Variants in ARID1B observed in about 807,000 individuals in gnomAD.
ARID1B encodes the protein AT-rich interactive domain-containing protein 1B.
A neutral mutation model predicts 212.3 loss-of-function variants in ARID1B; 30 were observed. The observed-to-expected ratio is 0.14, with a 90% confidence interval of 0.11 to 0.19. ARID1B has a LOEUF of 0.19. ARID1B is among the 10% of genes least tolerant of loss of function. The probability of loss-of-function intolerance (pLI) is 1.00; values close to 1 mark genes in which losing one functional copy is unlikely to be tolerated. For missense variants in ARID1B, 2,891 were observed against 3,204.0 expected (o/e 0.90, Z 2.36); for synonymous variants, 1,402 against 1,301.7 (o/e 1.08, Z -1.66).
chr6:157,123,766 C>T (rs1288088457), intron 6 of ARID1B, among the ~76,000 whole-genome samples: 1 of 152,224 alleles, frequency 6.6e-6, no homozygotes, highest in Non-Finnish European at 1.5e-5. Flanking sequence ...TTTATTAAAC[C>T]TCTAGTGTGT....
chr6:157,134,782 G>T (rs1788801817), intron 7 of ARID1B, among the ~76,000 whole-genome samples: 1 of 152,204 alleles, frequency 6.6e-6, no homozygotes, highest in African/African-American at 2.4e-5. Flanking sequence ...AAAACGGTTT[G>T]TAACTTGTGG....
chr6:156,817,080 TAA>T (rs66864321), intron 1 of ARID1B, among the ~76,000 whole-genome samples: 2 of 135,118 alleles, frequency 1.5e-5, no homozygotes. Context: ...GCCCTTTAAT[TAA>T]AAAAAAAAAA....
At chr6:157,055,545 T>G (rs902133591) in intron 4 of ARID1B, among the ~76,000 whole-genome samples, 2 of 152,186 alleles carry the variant, frequency 1.3e-5, no homozygotes, top group Non-Finnish European at 2.9e-5. Flanking sequence ...AAAGCTAACT[T>G]TAACAAAAAG....
intron 13 of ARID1B, among the ~76,000 whole-genome samples, chr6:157,187,736 ATT>A (rs34547253): frequency 7.2e-6 from 1 of 138,466 alleles, no homozygotes; most frequent in African/African-American, 2.6e-5. Context: ...GGTTGCATTC[ATT>A]TTTTTTTTTT....
chr6:156,960,447 ATTTAG>A (rs1215584592), intron 4 of ARID1B, among the ~76,000 whole-genome samples: 4 of 152,154 alleles, frequency 2.6e-5, no homozygotes, highest in Non-Finnish European at 4.4e-5. Context: ...TTCATTTGGT[ATTTAG>A]TTTAATCAGT....
At position 156,945,182 on chromosome 6, in the gene ARID1B, G is replaced by A. The variant is rs555562295; in HGVS notation, c.2247+9606G>A. ...GATCTCCTGACCTTGTGATCCGCCCGCCTCTGCCACCCAAAGTACTGGGAT... is the reference window on the plus strand; with the variant it reads ...GATCTCCTGACCTTGTGATCCGCCCACCTCTGCCACCCAAAGTACTGGGAT... On this transcript the variant is annotated intron_variant, in intron 4 of 19. Coordinates refer to ENST00000636930, the MANE Select transcript of ARID1B (RefSeq NM_001374828.1). Among the ~76,000 whole-genome samples the A allele has an allele frequency of 1.0e-3, 128 of 127,128 alleles. 1 individual carries two copies. Among genetic ancestry groups the A allele is most frequent in the Admixed American group, 1.7e-3 (19 of 11,336 alleles). 83.4% of individuals were successfully genotyped at this position (127,128 alleles called of 152,430 possible).
intron 4 of ARID1B, chr6:157,036,925 T>C (rs1362903235): frequency 2.1e-6 from 1 of 485,120 alleles, no homozygotes; most frequent in Non-Finnish European, 4.1e-6. Context: ...CAGTTCCTCC[T>C]AGGTGGATTT....
intron 5 of ARID1B, among the ~76,000 whole-genome samples, chr6:157,100,003 G>A (rs145367881): frequency 3.5e-4 from 54 of 152,194 alleles, no homozygotes; most frequent in African/African-American, 1.1e-3. Context: ...TTTTGGATAA[G>A]GATTTAGGAA....
At chr6:156,980,025 T>C (rs572542826) in intron 4 of ARID1B, among the ~76,000 whole-genome samples, 2 of 152,294 alleles carry the variant, frequency 1.3e-5, no homozygotes, top group South Asian at 4.1e-4. Flanking sequence ...CATTTAAACA[T>C]TGATTGTAAT....
rs1037698045 is a variant in ARID1B, at chr6:156,777,494, C to T, written c.-187C>T. The T allele has an allele frequency of 6.6e-6, 1 of 151,032 alleles. No individual in the cohort carries two copies. The highest frequency in any genetic ancestry group is 2.4e-5 in the African/African-American group (1 of 41,336). 9.4% of individuals were successfully genotyped at this position (151,032 alleles called of 1,614,324 possible). Reference sequence around the variant, plus strand: ...ACTAAAAACTTTCACCATGAAAGCACACAGCAGGAGCAGGCCCAGAGCGTA... The same window carrying T: ...ACTAAAAACTTTCACCATGAAAGCATACAGCAGGAGCAGGCCCAGAGCGTA... On this transcript the variant is annotated 5_prime_UTR_variant, in exon 1 of 20. Transcript: ENST00000636930.
intron 8 of ARID1B, chr6:157,150,165 GTTA>G (rs1193637650): frequency 6.6e-6 from 1 of 152,146 alleles, no homozygotes; most frequent in Non-Finnish European, 1.5e-5. Flanking sequence ...TAAAGCGCAA[GTTA>G]TTTTCTTTTT....
intron 4 of ARID1B, among the ~76,000 whole-genome samples, chr6:157,082,181 A>C (rs775165654): frequency 3.9e-5 from 6 of 152,172 alleles, no homozygotes; most frequent in African/African-American, 1.2e-4. Context: ...ACCAGTCATG[A>C]TGTATGGTAA....
chr6:156,919,158 T>C lies in ARID1B; in HGVS notation c.2137-16308T>C, dbSNP rs943808364. On this transcript the variant is annotated intron_variant, in intron 3 of 19. Transcript: ENST00000636930. ...GTGAATCTGTAGTTAGTTGCAACTA[T>C]GTCTGCCTGGGCCTTTGCTTTTCCT... Among the ~76,000 whole-genome samples, 10 of 152,218 alleles carry C rather than the reference T, an allele frequency of 6.6e-5. No individual in the cohort carries two copies. In the East Asian group the frequency reaches 1.5e-3, roughly 23 times the overall value.
chr6:157,119,320 C>T (rs1472467094), intron 6 of ARID1B, among the ~76,000 whole-genome samples: 1 of 152,178 alleles, frequency 6.6e-6, no homozygotes, highest in Non-Finnish European at 1.5e-5. Context: ...GCATGTCATT[C>T]CTCACCACCT....
At chr6:156,829,713 C>G (rs1014137064) in intron 2 of ARID1B, 1 of 253,608 alleles carries the variant, frequency 3.9e-6, no homozygotes, top group Non-Finnish European at 7.5e-6. Context: ...GATGTAAGCT[C>G]TGAAGTGAAC....
chr6:156,818,479 C>G (rs904897460), intron 1 of ARID1B, among the ~76,000 whole-genome samples: 1 of 152,112 alleles, frequency 6.6e-6, no homozygotes, highest in Non-Finnish European at 1.5e-5. Flanking sequence ...TCTGTCTTTA[C>G]GTAGTGCTCT....
intron 1 of ARID1B, among the ~76,000 whole-genome samples, chr6:156,792,929 A>C (rs1003471143): frequency 6.6e-6 from 1 of 152,194 alleles, no homozygotes; most frequent in African/African-American, 2.4e-5. Context: ...CTTTTATCCG[A>C]GGATGACTTG....
chr6:157,108,028 C>T (rs1457583665), intron 5 of ARID1B: 3 of 152,150 alleles, frequency 2.0e-5, no homozygotes, highest in African/African-American at 7.2e-5. Flanking sequence ...TGTGGAAGAT[C>T]AAGTTGTTTC....
intron 2 of ARID1B, among the ~76,000 whole-genome samples, chr6:156,883,596 A>G (rs1420493575): frequency 6.6e-6 from 1 of 151,662 alleles, no homozygotes; most frequent in Non-Finnish European, 1.5e-5. Flanking sequence ...GACACACATC[A>G]GCCCCAGCAC....
Sources: gnomAD v4.1 joint callset for allele counts (sites outside exome capture counted in the v4.1 genomes callset) on GRCh38, gnomAD v4.1.1 for gene constraint, MANE v1.5 for transcripts, NCBI Gene and HGNC (gene_info 2026-07-23, HGNC 2026-07-21) for gene names.